The following TMEM132B variants were observed in gnomAD, a reference collection of about 807,000 sequenced individuals.
TMEM132B encodes transmembrane protein 132B.
TMEM132B carries 18 observed loss-of-function variants against 90.8 expected under a neutral mutation model. The ratio of observed to expected loss-of-function variants is 0.20; its 90% confidence interval spans 0.14 to 0.29. TMEM132B has a LOEUF of 0.29. TMEM132B is among the 10% of genes least tolerant of loss of function. The pLI is 1.00. For synonymous variants in TMEM132B, 504 were observed against 523.3 expected, an observed-to-expected ratio of 0.96 and a Z score of 0.50; for missense variants, 1,096 against 1,326.8, an observed-to-expected ratio of 0.83 and a Z score of 2.70.
chr12:125,293,039 G>T (rs1303465989), intron 1 of TMEM132B, among the ~76,000 whole-genome samples: 1 of 152,204 alleles, frequency 6.6e-6, no homozygotes, highest in Non-Finnish European at 1.5e-5. Flanking sequence ...CCAGGTCATG[G>T]GTTGGATTCT....
chr12:125,266,034 G>A (rs1019961482), intron 1 of TMEM132B, among the ~76,000 whole-genome samples: 2 of 152,080 alleles, frequency 1.3e-5, no homozygotes, highest in African/African-American at 4.8e-5. Context: ...TTCAAGACTA[G>A]CCTGGACAAC....
intron 5 of TMEM132B, chr12:125,587,958 G>C (rs1885218647): frequency 6.6e-6 from 1 of 152,220 alleles, no homozygotes. Flanking sequence ...AGAAGAAAAG[G>C]CTCAGGGGTG....
intron 2 of TMEM132B, among the ~76,000 whole-genome samples, chr12:125,389,282 T>C (rs2136298987): frequency 6.6e-6 from 1 of 152,250 alleles, no homozygotes; most frequent in Non-Finnish European, 1.5e-5. Context: ...AAGAATATTT[T>C]AGATGATGTG....
intron 4 of TMEM132B, among the ~76,000 whole-genome samples, chr12:125,564,715 C>T (rs1365292061): frequency 2.0e-5 from 3 of 152,184 alleles, no homozygotes; most frequent in Non-Finnish European, 4.4e-5. Flanking sequence ...GTAGTTTTAG[C>T]GGGTTCTATA....
intron 1 of TMEM132B, among the ~76,000 whole-genome samples, chr12:125,266,438 C>A (rs926707391): frequency 1.3e-5 from 2 of 152,192 alleles, no homozygotes; most frequent in African/African-American, 4.8e-5. Flanking sequence ...CCTTTAAAAT[C>A]AATTTATTAT....
At chr12:125,386,080 C>T (rs1032330317) in intron 2 of TMEM132B, among the ~76,000 whole-genome samples, 1 of 152,132 alleles carries the variant, frequency 6.6e-6, no homozygotes, top group Non-Finnish European at 1.5e-5. Flanking sequence ...GCAACCTCTG[C>T]CTCCCGGGCT....
At chr12:125,634,313 C>A (rs368765456) in intron 5 of TMEM132B, among the ~76,000 whole-genome samples, 2 of 152,202 alleles carry the variant, frequency 1.3e-5, no homozygotes, top group African/African-American at 4.8e-5. Context: ...CTGAGACTCA[C>A]CCTGCAGGGC....
rs186776986 is a variant in TMEM132B at position 125,441,419 on chromosome 12, C to T, written c.1106+25742C>T. Among the ~76,000 whole-genome samples, 501 of 152,252 alleles carry T rather than the reference C, an allele frequency of 3.3e-3. 6 individuals are homozygous for T. The highest frequency in any genetic ancestry group is 0.011 in the African/African-American group (474 of 41,540). On this transcript the variant is annotated intron_variant, in intron 3 of 8. Coordinates refer to ENST00000682704, the MANE Select transcript of TMEM132B (RefSeq NM_001366854.1). ...CATTATAAATAAACCTTAGTACCTC[C>T]GTGATAAATACACAGAAAGGATGTA...
chr12:125,452,795 G>A (rs1424471742), intron 3 of TMEM132B, among the ~76,000 whole-genome samples: 4 of 151,746 alleles, frequency 2.6e-5, no homozygotes, highest in Non-Finnish European at 4.4e-5. Context: ...ATCTCTTTTC[G>A]TGTCATTTGC....
intron 1 of TMEM132B, among the ~76,000 whole-genome samples, chr12:125,231,925 C>T (rs1200771986): frequency 6.6e-6 from 1 of 151,914 alleles, no homozygotes; most frequent in African/African-American, 2.4e-5. Flanking sequence ...CTAAAAATAC[C>T]ACCTCTCCAT....
chr12:125,324,575 C>A (rs758421647), intron 1 of TMEM132B, among the ~76,000 whole-genome samples: 3 of 150,766 alleles, frequency 2.0e-5, no homozygotes, highest in Non-Finnish European at 4.4e-5. Context: ...GGCTAGCGAG[C>A]ATTACTGCCT....
At chr12:125,484,945 G>A (rs2136539383) in intron 3 of TMEM132B, among the ~76,000 whole-genome samples, 1 of 152,114 alleles carries the variant, frequency 6.6e-6, no homozygotes, top group South Asian at 2.1e-4. Flanking sequence ...AAACTGGTAG[G>A]CTGGTGTCCT....
chr12:125,640,097 C>A (rs1006434107), intron 5 of TMEM132B, among the ~76,000 whole-genome samples: 1 of 152,162 alleles, frequency 6.6e-6, no homozygotes, highest in Non-Finnish European at 1.5e-5. Flanking sequence ...GGACAACATG[C>A]AGTGCGAGGA....
At chr12:125,377,532 C>T (rs1332845015) in intron 2 of TMEM132B, among the ~76,000 whole-genome samples, 1 of 152,046 alleles carries the variant, frequency 6.6e-6, no homozygotes, top group African/African-American at 2.4e-5. Flanking sequence ...AATGATGTCC[C>T]CTACTTGAGA....
At chr12:125,448,389 C>T in intron 3 of TMEM132B, among the ~76,000 whole-genome samples, 1 of 152,118 alleles carries the variant, frequency 6.6e-6, no homozygotes, top group Non-Finnish European at 1.5e-5. Context: ...ATTCCTACTC[C>T]TCTTCCCAGG....
chr12:125,492,603 G>A lies in TMEM132B; in HGVS notation c.1107-26836G>A, dbSNP rs1882384203. 6.6e-6 allele frequency among the ~76,000 whole-genome samples: 1 copy of A among 152,150 alleles called. No homozygotes were observed. Among genetic ancestry groups the A allele is most frequent in the African/African-American group, 2.4e-5 (1 of 41,428 alleles). On this transcript the variant is annotated intron_variant, in intron 3 of 8. Transcript: ENST00000682704. The surrounding 1 kb of genome is among the most constrained non-coding windows in gnomAD (Gnocchi z 5.8). ...GGTGCGTCCAGGGGCCCTGGGTGAG[G>A]AGGCTACGGCAGCCTCGGGTCCCAG...
intron 7 of TMEM132B, among the ~76,000 whole-genome samples, chr12:125,651,460 A>T (rs1044168674): frequency 4.6e-5 from 7 of 152,366 alleles, no homozygotes; most frequent in Admixed American, 2.6e-4. Flanking sequence ...TGACAGGATA[A>T]TTATGCAGAA....
chr12:125,453,792 G>A (rs1184181463), intron 3 of TMEM132B, among the ~76,000 whole-genome samples: 1 of 152,080 alleles, frequency 6.6e-6, no homozygotes, highest in Non-Finnish European at 1.5e-5. Context: ...ATTAAACCCT[G>A]CCATTTTGTA....
intron 3 of TMEM132B, among the ~76,000 whole-genome samples, chr12:125,475,608 G>T (rs1881854854): frequency 6.6e-6 from 1 of 152,194 alleles, no homozygotes; most frequent in Non-Finnish European, 1.5e-5. Context: ...TTTCTCCCGT[G>T]CTGGATGTTT....
Sources: gnomAD v4.1 joint callset for allele counts (sites outside exome capture counted in the v4.1 genomes callset) on GRCh38, gnomAD v4.1.1 for gene constraint, Gnocchi (gnomAD v3.1) non-coding constraint, MANE v1.5 for transcripts, NCBI Gene and HGNC (gene_info 2026-07-23, HGNC 2026-07-21) for gene names.